UBAC2: variants seen among roughly 807,000 people sequenced by gnomAD.
The protein encoded by UBAC2 is ubiquitin-associated domain-containing protein 2.
A neutral mutation model predicts 44.0 loss-of-function variants in UBAC2; 26 were observed. The observed-to-expected ratio is 0.59, with a 90% CI of 0.43 to 0.82. The LOEUF (loss-of-function observed/expected upper bound fraction) is 0.82. Ranked by LOEUF, UBAC2 falls within the 40% of genes least tolerant of loss-of-function variation. The pLI, the probability that UBAC2 is intolerant of heterozygous loss-of-function variation, is 0.00. For synonymous variants in UBAC2, 155 were observed against 154.3 expected, an observed-to-expected ratio of 1.00 and a Z score of -0.04; for missense variants, 329 against 419.4, an observed-to-expected ratio of 0.78 and a Z score of 1.88.
intron 4 of UBAC2, among the ~76,000 whole-genome samples, chr13:99,274,305 G>T (rs79140207): frequency 0.011 from 1,745 of 151,760 alleles, 40 homozygotes; most frequent in African/African-American, 0.04. Context: ...GTATTTTGGT[G>T]TGTGAATACC....
At chr13:99,256,226 ACTCTAGTTTGTAATT>A (rs2043553930) in intron 4 of UBAC2, 1 of 167,420 alleles carries the variant, frequency 6.0e-6, no homozygotes, top group South Asian at 2.0e-4. Context: ...TTGCTAAAAA[ACTCTAGTTTGTAATT>A]CTCTAGTTTG....
At chr13:99,325,327 T>C (rs2044626338) in intron 6 of UBAC2, among the ~76,000 whole-genome samples, 1 of 151,982 alleles carries the variant, frequency 6.6e-6, no homozygotes, top group Non-Finnish European at 1.5e-5. Context: ...ATGGTCTTGA[T>C]CTCCTGACCT....
chr13:99,353,884 G>A (rs2045135361), intron 7 of UBAC2, among the ~76,000 whole-genome samples: 1 of 152,190 alleles, frequency 6.6e-6, no homozygotes, highest in Non-Finnish European at 1.5e-5. Flanking sequence ...CAGCAGCCCA[G>A]TGCTGTGGTT....
chr13:99,317,279 A>G (rs1335031931), intron 5 of UBAC2, among the ~76,000 whole-genome samples: 1 of 152,162 alleles, frequency 6.6e-6, no homozygotes, highest in African/African-American at 2.4e-5. Flanking sequence ...CCCCAATCTG[A>G]AGTTCTAAAA....
At chr13:99,249,538 T>A (rs2043432298) in intron 4 of UBAC2, among the ~76,000 whole-genome samples, 1 of 152,226 alleles carries the variant, frequency 6.6e-6, no homozygotes, top group East Asian at 1.9e-4. Context: ...ATGATTTATT[T>A]TCTTTTGGCT....
chr13:99,292,128 T>G (rs1026468217), intron 4 of UBAC2, among the ~76,000 whole-genome samples: 14 of 148,364 alleles, frequency 9.4e-5, no homozygotes, highest in Admixed American at 5.4e-4. Context: ...GTTACATTCC[T>G]TTTTTTTTTC....
chr13:99,202,910 G>A (rs924946618), intron 1 of UBAC2, among the ~76,000 whole-genome samples: 44 of 152,148 alleles, frequency 2.9e-4, no homozygotes, highest in African/African-American at 7.7e-4. Context: ...CAGTGCTGAC[G>A]GAGCTTAGGC....
At chr13:99,224,241 T>C (rs1456410319) in intron 1 of UBAC2, among the ~76,000 whole-genome samples, 2 of 152,178 alleles carry the variant, frequency 1.3e-5, no homozygotes, top group African/African-American at 2.4e-5. Context: ...TGTGCAAGCA[T>C]CCCTGGGTCC....
intron 4 of UBAC2, among the ~76,000 whole-genome samples, chr13:99,283,740 TTTTTTTTTTTTTG>T: frequency 2.5e-5 from 3 of 119,620 alleles, no homozygotes; most frequent in Non-Finnish European, 5.1e-5. Flanking sequence ...TTTTTTTTTT[TTTTTTTTTTTTTG>T]AGACTGAGTC....
intron 1 of UBAC2, among the ~76,000 whole-genome samples, chr13:99,235,316 T>C (rs11620518): frequency 0.09 from 13,699 of 152,276 alleles, 667 homozygotes; most frequent in East Asian, 0.13. Context: ...TCCATGCTTA[T>C]GGTTTGGAAG....
intron 8 of UBAC2, among the ~76,000 whole-genome samples, chr13:99,373,088 T>G (rs1195373669): frequency 6.6e-6 from 1 of 151,908 alleles, no homozygotes; most frequent in Non-Finnish European, 1.5e-5. Flanking sequence ...GCCACTGCAC[T>G]CCAGCCTGGG....
At position 99,231,043 on chromosome 13, in the gene UBAC2, G is replaced by A. The variant is rs75821566; in HGVS notation, c.32-7384G>A. On this transcript the variant is annotated intron_variant, in intron 1 of 8. Transcript: ENST00000403766. The stretch of plus-strand genomic sequence containing the variant: ...AGCCTGGGCGACAGAGGGAGACTCC[G>A]TCTCAAAAAAAAAAGGACTCTTGTG... Among the ~76,000 whole-genome samples the A allele has an allele frequency of 6.9e-3, 1,033 of 149,708 alleles. 15 individuals are homozygous for A. Among genetic ancestry groups the A allele is most frequent in the East Asian group, 0.068 (340 of 5,036 alleles).
intron 7 of UBAC2, among the ~76,000 whole-genome samples, chr13:99,341,860 A>G (rs2044894631): frequency 6.6e-6 from 1 of 152,126 alleles, no homozygotes; most frequent in Non-Finnish European, 1.5e-5. Context: ...GAGGGAGAGA[A>G]AGAAGTAGGG....
chr13:99,366,674 G>T (rs2045335403), intron 7 of UBAC2, among the ~76,000 whole-genome samples: 1 of 151,886 alleles, frequency 6.6e-6, no homozygotes, highest in Non-Finnish European at 1.5e-5. Flanking sequence ...TTTGAAGATT[G>T]TATCTTTAGA....
intron 4 of UBAC2, among the ~76,000 whole-genome samples, chr13:99,256,781 A>G (rs1057175695): frequency 1.4e-4 from 21 of 151,850 alleles, no homozygotes; most frequent in Non-Finnish European, 2.2e-4. Context: ...TTGACTCCTC[A>G]GTGTGAAACT....
intron 1 of UBAC2, among the ~76,000 whole-genome samples, chr13:99,207,123 T>C (rs937158455): frequency 2.6e-5 from 4 of 152,248 alleles, no homozygotes; most frequent in African/African-American, 9.6e-5. Context: ...GGTGCCTTAG[T>C]GGCACCCCTC....
chr13:99,254,988 A>G, intron 4 of UBAC2: 1 of 1,614,128 alleles, frequency 6.2e-7, no homozygotes, highest in Non-Finnish European at 8.5e-7. Flanking sequence ...TAATGACTCG[A>G]GCCTGAAATT....
At position 99,367,885 on chromosome 13, in the gene UBAC2, T is replaced by C; in HGVS notation, c.906T>C (p.Pro302=). The C allele has an allele frequency of 1.9e-6, 3 of 1,613,844 alleles. No individual in the cohort carries two copies. The highest frequency in any genetic ancestry group is 1.7e-6 in the Non-Finnish European group (2 of 1,179,804). Residue 302 remains proline, a synonymous_variant, in exon 8 of 9, where the codon CCT becomes CCC. Transcript: ENST00000403766. ...GGCAGTCTGAGCCAGCAGCGCCCCC[T>C]CTAGAAGTTTCTGAGGAACAGGTAA... is the stretch of plus-strand genomic sequence containing the variant. ...GGRQSEPAAP[P]LEVSEEQVAR... is the part of the protein sequence containing the mutation.
intron 1 of UBAC2, among the ~76,000 whole-genome samples, chr13:99,212,560 G>A (rs1245819561): frequency 6.6e-6 from 1 of 152,134 alleles, no homozygotes; most frequent in African/African-American, 2.4e-5. Context: ...TGACATTGAC[G>A]ATGCAGATTA....
Sources: gnomAD v4.1 joint callset for allele counts (sites outside exome capture counted in the v4.1 genomes callset) on GRCh38, gnomAD v4.1.1 for gene constraint, MANE v1.5 for transcripts, NCBI Gene and HGNC (gene_info 2026-07-23, HGNC 2026-07-21) for gene names.